Variants in LRRC4C observed in about 807,000 individuals in gnomAD.
LRRC4C encodes the protein leucine-rich repeat-containing protein 4C.
In LRRC4C, 5 loss-of-function variants were observed where a neutral mutation model predicts 33.6. That is an observed-to-expected ratio of 0.15 (90% CI 0.08 to 0.31). LRRC4C has a LOEUF of 0.31. Among genes scored for constraint, LRRC4C ranks in the 10% least tolerant of loss-of-function variants. LRRC4C has a pLI of 1.00. For missense variants in LRRC4C, 560 were observed against 796.7 expected, an observed-to-expected ratio of 0.70 and a Z score of 3.58; for synonymous variants, 329 against 302.0, an observed-to-expected ratio of 1.09 and a Z score of -0.93.
intron 4 of LRRC4C, among the ~76,000 whole-genome samples, chr11:40,294,850 A>C (rs1590933238): frequency 6.6e-6 from 1 of 152,034 alleles, no homozygotes; most frequent in East Asian, 1.9e-4. Context: ...AAAATAAATA[A>C]ATAAAAAAAA....
intron 2 of LRRC4C, among the ~76,000 whole-genome samples, chr11:40,691,243 G>C (rs12575313): frequency 0.56 from 85,627 of 151,684 alleles, 24,937 homozygotes; most frequent in East Asian, 0.71. Context: ...GGACCTCTAA[G>C]TGCCATAACA....
At chr11:41,280,087 G>A (rs991572933) in intron 1 of LRRC4C, among the ~76,000 whole-genome samples, 3 of 152,066 alleles carry the variant, frequency 2.0e-5, no homozygotes, top group African/African-American at 7.2e-5. Context: ...CCATCAGACT[G>A]TAAGCTCTGG....
At chr11:40,784,974 C>T (rs1018030073) in intron 2 of LRRC4C, among the ~76,000 whole-genome samples, 1 of 152,028 alleles carries the variant, frequency 6.6e-6, no homozygotes, top group Non-Finnish European at 1.5e-5. Flanking sequence ...GGAGAGTTAC[C>T]GTCAGCCGAC....
chr11:41,413,797 T>C (rs2138244780), intron 1 of LRRC4C, among the ~76,000 whole-genome samples: 1 of 152,342 alleles, frequency 6.6e-6, no homozygotes, highest in African/African-American at 2.4e-5. Flanking sequence ...CAAGGTGTTG[T>C]CACTTAACAG....
chr11:40,825,948 G>A (rs1020911937), intron 2 of LRRC4C, among the ~76,000 whole-genome samples: 2 of 55,268 alleles, frequency 3.6e-5, no homozygotes, highest in African/African-American at 5.0e-5. Context: ...TCTGGGGGGG[G>A]GGCGTCTCAC....
chr11:40,813,351 A>G (rs1413113349), intron 2 of LRRC4C, among the ~76,000 whole-genome samples: 3 of 152,188 alleles, frequency 2.0e-5, no homozygotes, highest in African/African-American at 7.2e-5. Flanking sequence ...CATGTCTTAC[A>G]TGGCAGCAGG....
At chr11:40,627,388 A>G (rs1210518076) in intron 3 of LRRC4C, among the ~76,000 whole-genome samples, 2 of 152,186 alleles carry the variant, frequency 1.3e-5, no homozygotes, top group Admixed American at 1.3e-4. Flanking sequence ...ATGGGAATCT[A>G]CAGTTGAACG....
At chr11:40,786,928 T>C (rs551846658) in intron 2 of LRRC4C, among the ~76,000 whole-genome samples, 12 of 152,064 alleles carry the variant, frequency 7.9e-5, no homozygotes, top group African/African-American at 2.7e-4. Flanking sequence ...TATGTAAAAG[T>C]AGGTCTTGGT....
At chr11:40,173,312 T>C (rs1342860596) in intron 5 of LRRC4C, among the ~76,000 whole-genome samples, 1 of 152,214 alleles carries the variant, frequency 6.6e-6, no homozygotes, top group Non-Finnish European at 1.5e-5. Context: ...TTTACTGCTA[T>C]AGATCACTTT....
At chr11:40,649,261 A>G (rs968992635) in intron 2 of LRRC4C, among the ~76,000 whole-genome samples, 2 of 152,150 alleles carry the variant, frequency 1.3e-5, no homozygotes, top group African/African-American at 4.8e-5. Flanking sequence ...AGTAGTCCTT[A>G]TCTCAACCAC....
At chr11:40,997,770 T>C (rs11036180) in intron 1 of LRRC4C, among the ~76,000 whole-genome samples, 17,306 of 152,138 alleles carry the variant, frequency 0.11, 1,289 homozygotes, top group Middle Eastern at 0.2. Context: ...CAGGGAGGGC[T>C]GTTCCACTGT....
intron 1 of LRRC4C, among the ~76,000 whole-genome samples, chr11:40,946,422 A>C (rs1054245406): frequency 6.6e-6 from 1 of 152,138 alleles, no homozygotes; most frequent in African/African-American, 2.4e-5. Context: ...TTTTAGTAGA[A>C]CAACTCATTT....
chr11:40,884,439 T>C (rs897998395), intron 2 of LRRC4C, among the ~76,000 whole-genome samples: 2 of 152,092 alleles, frequency 1.3e-5, no homozygotes, highest in Non-Finnish European at 2.9e-5. Context: ...AGTAATGAGA[T>C]TGTTGGGTCA....
At chr11:40,775,567 T>C (rs1591687074) in intron 2 of LRRC4C, among the ~76,000 whole-genome samples, 1 of 152,232 alleles carries the variant, frequency 6.6e-6, no homozygotes, top group East Asian at 1.9e-4. Flanking sequence ...CCTTCTTTAT[T>C]TGGCACTGTT....
chr11:40,991,706 T>C (rs1176341122), intron 1 of LRRC4C, among the ~76,000 whole-genome samples: 2 of 152,246 alleles, frequency 1.3e-5, no homozygotes, highest in African/African-American at 2.4e-5. Flanking sequence ...ATAAGGAGCA[T>C]GGAACCAGAA....
intron 1 of LRRC4C, among the ~76,000 whole-genome samples, chr11:41,411,340 G>C (rs1472498523): frequency 6.6e-6 from 1 of 150,934 alleles, no homozygotes; most frequent in Non-Finnish European, 1.5e-5. Context: ...AGTGGAGACG[G>C]GGTTTCACCG....
intron 3 of LRRC4C, among the ~76,000 whole-genome samples, chr11:40,441,555 C>T (rs1023524290): frequency 9.2e-5 from 14 of 152,118 alleles, no homozygotes; most frequent in Non-Finnish European, 1.5e-5. Flanking sequence ...TAATTTAGAA[C>T]ACAGGTTTAT....
At chr11:40,462,634 A>G (rs1952454924) in intron 3 of LRRC4C, among the ~76,000 whole-genome samples, 1 of 152,072 alleles carries the variant, frequency 6.6e-6, no homozygotes, top group Non-Finnish European at 1.5e-5. Context: ...ACAAATAAAT[A>G]TATATTATTC....
chr11:40,579,336 G>A (rs1958360614), intron 3 of LRRC4C, among the ~76,000 whole-genome samples: 1 of 148,742 alleles, frequency 6.7e-6, no homozygotes, highest in Admixed American at 6.7e-5. Flanking sequence ...AAAAAAAAAA[G>A]GAATAGAAAA....
Sources: allele counts gnomAD v4.1 joint callset (sites outside exome capture counted in the v4.1 genomes callset), GRCh38; gene constraint gnomAD v4.1.1; transcripts MANE v1.5; gene names NCBI Gene and HGNC (gene_info 2026-07-23, HGNC 2026-07-21).